ICA1: variants seen among roughly 807,000 people sequenced by gnomAD.
The protein encoded by ICA1 is islet cell autoantigen 1.
A neutral mutation model predicts 71.0 loss-of-function variants in ICA1; 40 were observed. The observed-to-expected ratio is 0.56, with a 90% CI of 0.44 to 0.73. ICA1 has a LOEUF of 0.73. Ranked by LOEUF, ICA1 falls within the 30% of genes least tolerant of loss-of-function variation. The probability of loss-of-function intolerance (pLI) is 0.00; values close to 1 mark genes in which losing one functional copy is unlikely to be tolerated. For missense variants in ICA1, 578 were observed against 576.5 expected (o/e 1.00, Z -0.03); for synonymous variants, 207 against 209.5 (o/e 0.99, Z 0.10).
chr7:8,208,267 A>C (rs1408416604), intron 6 of ICA1, among the ~76,000 whole-genome samples: 1 of 152,232 alleles, frequency 6.6e-6, no homozygotes, highest in African/African-American at 2.4e-5. Flanking sequence ...GATTTGAAGA[A>C]AATTCTTTTT....
rs1486836104 is a variant in ICA1, at chr7:8,226,878, A to AG, written c.256+1722dup. 1.3e-5 allele frequency among the ~76,000 whole-genome samples: 2 copies of AG among 152,196 alleles called. No individual in the cohort carries two copies. The highest frequency in any genetic ancestry group is 6.5e-5 in the Admixed American group (1 of 15,270). On this transcript the variant is annotated intron_variant, in intron 4 of 13. Transcript: ENST00000402384. This position sits in a 1 kb window ranked among gnomAD's most constrained non-coding sequence, Gnocchi z 4.4. ...TCTATTAACTAATCTGAGGTGGTTT[A>AG]GGGGGAAGTTTTTCCTCTATATTCT...
intron 10 of ICA1, among the ~76,000 whole-genome samples, chr7:8,139,620 G>A (rs80219470): frequency 6.6e-6 from 1 of 152,152 alleles, no homozygotes; most frequent in Non-Finnish European, 1.5e-5. Flanking sequence ...CATTTGTAAT[G>A]CCCACAAAAT....
chr7:8,174,099 C>T (rs142515369), intron 6 of ICA1, among the ~76,000 whole-genome samples: 20 of 152,068 alleles, frequency 1.3e-4, no homozygotes, highest in Non-Finnish European at 2.2e-4. Flanking sequence ...CAAACCATAC[C>T]GATCTCAGGG....
chr7:8,227,612 T>TC (rs1213801952), intron 4 of ICA1: 2 of 380,164 alleles, frequency 5.3e-6, no homozygotes, highest in South Asian at 2.1e-5. Context: ...TGTCTTTTTT[T>TC]TTTTTTTTTT....
At chr7:8,207,609 G>C (rs1008122574) in intron 6 of ICA1, among the ~76,000 whole-genome samples, 1 of 152,168 alleles carries the variant, frequency 6.6e-6, no homozygotes, top group Admixed American at 6.5e-5. Context: ...CACTAAAGGA[G>C]ACAAAGCGAA....
intron 6 of ICA1, among the ~76,000 whole-genome samples, chr7:8,184,013 C>G (rs1783101436): frequency 6.6e-6 from 1 of 152,218 alleles, no homozygotes; most frequent in African/African-American, 2.4e-5. Flanking sequence ...TATATTATCA[C>G]TAACATAGAA....
At chr7:8,165,319 T>A (rs1004214109) in intron 6 of ICA1, among the ~76,000 whole-genome samples, 12 of 152,236 alleles carry the variant, frequency 7.9e-5, no homozygotes, top group Non-Finnish European at 1.6e-4. Flanking sequence ...TGCAAAGAAG[T>A]ATGTGTAAGT....
chr7:8,144,078 G>C lies in ICA1; in HGVS notation c.805-106C>G, dbSNP rs1796121120. The C allele has an allele frequency of 4.5e-6, 3 of 672,774 alleles. No homozygotes were observed. The highest frequency in any genetic ancestry group is 1.9e-5 in the South Asian group (1 of 51,832). The allele number at this position is 672,774 out of a possible 1,614,324, so 41.7% of individuals were successfully genotyped here. A position where few individuals can be genotyped will look rare whatever the true frequency, so the allele number is the denominator to read the frequency against. ...CAATTAAAAAATTCAACTGCCATTTGTCCCAGCAACCAAACTTTGAATTAC... is the reference window on the plus strand; with the variant it reads ...CAATTAAAAAATTCAACTGCCATTTCTCCCAGCAACCAAACTTTGAATTAC... On this transcript the variant is annotated intron_variant, in intron 8 of 13. Transcript: ENST00000402384. The surrounding 1 kb of genome is among the most constrained non-coding windows in gnomAD (Gnocchi z 4.5).
chr7:8,131,770 T>C (rs1020989204), intron 12 of ICA1, among the ~76,000 whole-genome samples: 1 of 152,204 alleles, frequency 6.6e-6, no homozygotes, highest in Non-Finnish European at 1.5e-5. Flanking sequence ...ACTTGAGAAA[T>C]AGCTCTATAG....
rs907948353 is a variant in ICA1, at chr7:8,115,604, G to A, written c.1331-1560C>T. Among the ~76,000 whole-genome samples, 2 of 152,312 alleles carry A rather than the reference G, an allele frequency of 1.3e-5. 1 individual carries two copies. On this transcript the variant is annotated intron_variant, in intron 13 of 13. Coordinates refer to ENST00000402384, the MANE Select transcript of ICA1 (RefSeq NM_001136020.3). ...CACATTCCCCAGGCAGCCACTGTTG[G>A]AGACAAAGCAGGTGCAACTTATTTG... is the stretch of plus-strand genomic sequence containing the variant.
chr7:8,207,759 C>T (rs1011295395), intron 6 of ICA1, among the ~76,000 whole-genome samples: 6 of 152,200 alleles, frequency 3.9e-5, no homozygotes, highest in African/African-American at 1.4e-4. Flanking sequence ...AGAATTACAG[C>T]AGTTCTCTGG....
At chr7:8,255,251 G>A (rs902266252) in intron 1 of ICA1, among the ~76,000 whole-genome samples, 4 of 151,880 alleles carry the variant, frequency 2.6e-5, no homozygotes, top group African/African-American at 7.3e-5. Context: ...ATGCTCTCTG[G>A]TTCCTTTCTC....
At chr7:8,248,486 G>A (rs1806923854) in intron 1 of ICA1, among the ~76,000 whole-genome samples, 1 of 152,124 alleles carries the variant, frequency 6.6e-6, no homozygotes, top group Admixed American at 6.6e-5. Flanking sequence ...AGCACTTTGA[G>A]AGGCAAGGAG....
Position 8,118,531 on chromosome 7 carries a change from A to T in ICA1, c.1331-4487T>A, listed in dbSNP as rs1785519144. Among the ~76,000 whole-genome samples, 3 of 152,186 alleles carry T rather than the reference A, an allele frequency of 2.0e-5. No homozygotes were observed. In the South Asian group the frequency reaches 6.2e-4, roughly 32 times the overall value. ...AAAACGATTTTTTTTAATGACCAGTATTTGGTGTAATCCAGGAATAACATA... is the reference window on the plus strand; with the variant it reads ...AAAACGATTTTTTTTAATGACCAGTTTTTGGTGTAATCCAGGAATAACATA... On this transcript the variant is annotated intron_variant, in intron 13 of 13. Transcript: ENST00000402384.
chr7:8,156,838 T>C, intron 8 of ICA1: 1 of 1,488,076 alleles, frequency 6.7e-7, no homozygotes, highest in East Asian at 2.5e-5. Context: ...TCACCACAAT[T>C]CATCTCCCAG....
chr7:8,138,778 T>C, intron 12 of ICA1, 62 bp downstream of exon 12: 1 of 1,290,072 alleles, frequency 7.8e-7, no homozygotes, highest in African/African-American at 1.5e-5. Flanking sequence ...CTTTCTTACA[T>C]GTAAAAGAGT....
chr7:8,184,145 A>G (rs1440375548), intron 6 of ICA1, among the ~76,000 whole-genome samples: 1 of 152,240 alleles, frequency 6.6e-6, no homozygotes, highest in Non-Finnish European at 1.5e-5. Flanking sequence ...GCAAGGTCAT[A>G]ATCACTGTGC....
intron 6 of ICA1, among the ~76,000 whole-genome samples, chr7:8,178,017 C>T (rs1208863978): frequency 6.6e-6 from 1 of 152,234 alleles, no homozygotes; most frequent in African/African-American, 2.4e-5. Context: ...CCTTCATGAT[C>T]TGGCCCTGGC....
intron 13 of ICA1, among the ~76,000 whole-genome samples, chr7:8,120,999 T>C (rs1231091828): frequency 6.6e-6 from 1 of 152,190 alleles, no homozygotes; most frequent in African/African-American, 2.4e-5. Flanking sequence ...ACACCCACAG[T>C]TCCCCCTCAG....
Sources: gnomAD v4.1 joint callset for allele counts (sites outside exome capture counted in the v4.1 genomes callset) on GRCh38, gnomAD v4.1.1 for gene constraint, Gnocchi (gnomAD v3.1) non-coding constraint, MANE v1.5 for transcripts, NCBI Gene and HGNC (gene_info 2026-07-23, HGNC 2026-07-21) for gene names.